ST3GAL6: variants seen among roughly 807,000 people sequenced by gnomAD.
ST3GAL6 encodes type 2 lactosamine alpha-2,3-sialyltransferase.
In ST3GAL6, 31 loss-of-function variants were observed where a neutral mutation model predicts 40.5. That is an observed-to-expected ratio of 0.77 (90% CI 0.58 to 1.03). The LOEUF (loss-of-function observed/expected upper bound fraction) is 1.03, where lower values mean the gene tolerates loss of function less well. Among genes scored for constraint, ST3GAL6 ranks in the 50% least tolerant of loss-of-function variants. ST3GAL6 has a pLI of 0.00. For missense variants in ST3GAL6, 357 were observed against 393.2 expected, an observed-to-expected ratio of 0.91 and a Z score of 0.78; for synonymous variants, 129 against 136.9, an observed-to-expected ratio of 0.94 and a Z score of 0.40.
rs1016334759 is a variant in ST3GAL6, at chr3:98,794,762, G to C, written c.*1001G>C. On this transcript the variant is annotated 3_prime_UTR_variant, in exon 10 of 10. Transcript: ENST00000483910. ...TAAAATACAAAATAATTAGCTGGGC[G>C]TGGTGGTATGCGCTGTAGTCCCAGG... The C allele has an allele frequency of 6.6e-6, 1 of 152,084 alleles. No homozygotes were observed. Among genetic ancestry groups the C allele is most frequent in the South Asian group, 2.1e-4 (1 of 4,830 alleles). 9.4% of individuals were successfully genotyped at this position (152,084 alleles called of 1,614,324 possible). A position where few individuals can be genotyped will look rare whatever the true frequency, so the allele number is the denominator to read the frequency against.
At chr3:98,744,130 C>A (rs960098315) in intron 1 of ST3GAL6, among the ~76,000 whole-genome samples, 2 of 152,150 alleles carry the variant, frequency 1.3e-5, no homozygotes, top group Admixed American at 1.3e-4. Flanking sequence ...CCAAGGAATG[C>A]CCAAGATTGG....
intron 1 of ST3GAL6, among the ~76,000 whole-genome samples, chr3:98,734,505 G>C (rs1168655642): frequency 6.6e-6 from 1 of 152,140 alleles, no homozygotes; most frequent in Non-Finnish European, 1.5e-5. Flanking sequence ...ACTGGGAGGG[G>C]AGATCTTCAT....
At position 98,793,942 on chromosome 3, in the gene ST3GAL6, A is replaced by G. The variant is rs1317252809; in HGVS notation, c.*181A>G. 2.6e-6 allele frequency: 1 copy of G among 390,436 alleles called. No homozygotes were observed. Among genetic ancestry groups the G allele is most frequent in the African/African-American group, 2.1e-5 (1 of 48,258 alleles). 24.2% of individuals were successfully genotyped at this position (390,436 alleles called of 1,614,324 possible). On this transcript the variant is annotated 3_prime_UTR_variant, in exon 10 of 10. Transcript: ENST00000483910. ...CTGTATATTTAACTTATGAAAACCA[A>G]GAAATGTAAAGATAACAGGAAAATA...
chr3:98,739,806 C>T (rs1935907910), intron 1 of ST3GAL6, among the ~76,000 whole-genome samples: 1 of 152,072 alleles, frequency 6.6e-6, no homozygotes, highest in East Asian at 1.9e-4. Context: ...ATGGGTTAAG[C>T]AGTTGCATTT....
Position 98,743,560 on chromosome 3 carries a change from T to C in ST3GAL6, c.-12+11028T>C, listed in dbSNP as rs145401886. Among the ~76,000 whole-genome samples, 548 of 152,284 alleles carry C rather than the reference T, an allele frequency of 3.6e-3. 13 individuals are homozygous for C. The highest frequency in any genetic ancestry group is 0.033 in the Admixed American group (506 of 15,298). On this transcript the variant is annotated intron_variant, in intron 1 of 9. Transcript: ENST00000265261. ...CTTCTCTAATGTTTTGTAAAGTTTT[T>C]ATGGAAATATATCAGACATACAGAG...
chr3:98,793,621 G>A, intron 9 of ST3GAL6, 54 bp from the exon 10 acceptor site: 1 of 1,201,986 alleles, frequency 8.3e-7, no homozygotes, highest in Admixed American at 2.3e-5. Context: ...CATTGGTGCT[G>A]CTAATACTTT....
chr3:98,750,919 A>G (rs1936960871), intron 1 of ST3GAL6, among the ~76,000 whole-genome samples: 2 of 152,202 alleles, frequency 1.3e-5, no homozygotes, highest in South Asian at 4.1e-4. Flanking sequence ...AGGACCTTCA[A>G]GCCTGTGACT....
chr3:98,733,133 C>G (rs2107228032), intron 1 of ST3GAL6: 1 of 1,278,386 alleles, frequency 7.8e-7, no homozygotes, highest in Non-Finnish European at 1.0e-6. Context: ...GGTGGGGACA[C>G]GGAGCGCTGT....
At chr3:98,768,379 A>G in intron 1 of ST3GAL6, 51 bp from the exon 2 acceptor site, 1 of 1,329,426 alleles carries the variant, frequency 7.5e-7, no homozygotes, top group Non-Finnish European at 1.1e-6. Context: ...GTGAAAATCC[A>G]TTTGTATAAC....
intron 1 of ST3GAL6, chr3:98,733,209 C>G (rs1293697917): frequency 2.1e-6 from 2 of 937,642 alleles, no homozygotes; most frequent in Non-Finnish European, 2.5e-6. Context: ...GGACCATGGG[C>G]GCTGGGACCC....
rs754141667 is a variant in ST3GAL6 at position 98,741,458 on chromosome 3, C to T, written c.-12+8926C>T. Among the ~76,000 whole-genome samples the T allele has an allele frequency of 5.3e-5, 8 of 151,854 alleles. No individual in the cohort carries two copies. The East Asian group carries it at 5.8e-4, about 11-fold the overall frequency. ...GGGTGAGAGGAGAGGGAGAACATTC[C>T]GGGCAGCAGGAACAGTATGACCAAA... is the stretch of plus-strand genomic sequence containing the variant. On this transcript the variant is annotated intron_variant, in intron 1 of 9. Transcript: ENST00000265261.
intron 9 of ST3GAL6, 146 bp downstream of exon 9, chr3:98,792,139 CA>C: frequency 1.5e-6 from 1 of 682,852 alleles, no homozygotes; most frequent in Non-Finnish European, 2.2e-6. Flanking sequence ...ACAGGGCTAC[CA>C]AGGGCTGTAA....
chr3:98,778,973 C>CT (rs1939813508), intron 5 of ST3GAL6, among the ~76,000 whole-genome samples: 1 of 152,196 alleles, frequency 6.6e-6, no homozygotes, highest in Admixed American at 6.5e-5. Flanking sequence ...GATTGCACAA[C>CT]TCCAGGGAGT....
At chr3:98,765,405 C>G (rs1010206523) in intron 1 of ST3GAL6, among the ~76,000 whole-genome samples, 1 of 152,158 alleles carries the variant, frequency 6.6e-6, no homozygotes, top group Non-Finnish European at 1.5e-5. Flanking sequence ...TTTCCTCATT[C>G]ATCAAGAAGA....
intron 5 of ST3GAL6, chr3:98,783,784 T>A (rs3772102): frequency 1.6e-6 from 1 of 609,728 alleles, no homozygotes; most frequent in Admixed American, 6.3e-5. Context: ...GATTTAGGCA[T>A]GACTCTTTAA....
upstream of ST3GAL6, chr3:98,762,866 G>A (rs148998892): frequency 6.1e-4 from 604 of 985,382 alleles, 15 homozygotes; most frequent in Admixed American, 0.034. Flanking sequence ...TCATCCTTAT[G>A]TGAAAAAGGG....
intron 1 of ST3GAL6, among the ~76,000 whole-genome samples, chr3:98,733,837 G>C (rs952194510): frequency 1.3e-5 from 2 of 152,304 alleles, no homozygotes; most frequent in Admixed American, 6.5e-5. Flanking sequence ...GGAGCAGGAG[G>C]GGGAGAAGAG....
intron 5 of ST3GAL6, among the ~76,000 whole-genome samples, chr3:98,776,542 A>C (rs1178533445): frequency 1.3e-5 from 2 of 152,174 alleles, no homozygotes; most frequent in African/African-American, 4.8e-5. Flanking sequence ...CTTGTCCTTC[A>C]TCATGGGTCT....
At chr3:98,733,711 T>G (rs1325312818) in intron 1 of ST3GAL6, 8 of 649,846 alleles carry the variant, frequency 1.2e-5, no homozygotes, top group Non-Finnish European at 1.5e-5. Context: ...TCTTGTGTGC[T>G]GTTATTTTGG....
Sources: allele counts gnomAD v4.1 joint callset (sites outside exome capture counted in the v4.1 genomes callset), GRCh38; gene constraint gnomAD v4.1.1; transcripts MANE v1.5; gene names NCBI Gene and HGNC (gene_info 2026-07-23, HGNC 2026-07-21).